MSN: variants seen among roughly 807,000 people sequenced by gnomAD.
The protein encoded by MSN is moesin, also known as epididymis luminal protein 70.
MSN carries 2 observed loss-of-function variants against 48.0 expected under a neutral mutation model. The ratio of observed to expected loss-of-function variants is 0.04; its 90% confidence interval spans 0.02 to 0.13. The LOEUF (loss-of-function observed/expected upper bound fraction) is 0.13. Ranked by LOEUF, MSN falls within the 10% of genes least tolerant of loss-of-function variation. MSN has a pLI of 1.00. For synonymous variants in MSN, 146 were observed against 166.9 expected (o/e 0.87, Z 0.97); for missense variants, 267 against 470.1 (o/e 0.57, Z 3.99).
chrX:65,714,532 G>C (rs1441088782), intron 1 of MSN, among the ~76,000 whole-genome samples: 1 of 110,808 alleles, frequency 9.0e-6, no homozygotes, highest in East Asian at 2.8e-4. Context: ...TGTGTGAGAT[G>C]GTATCTCATT....
intron 1 of MSN, among the ~76,000 whole-genome samples, chrX:65,644,230 T>C (rs1192644472): frequency 8.9e-6 from 1 of 111,831 alleles, no homozygotes; most frequent in Non-Finnish European, 1.9e-5. Context: ...TCCTTTGTGG[T>C]GGTAGGCTGG....
At chrX:65,684,734 G>A (rs142507808) in intron 1 of MSN, among the ~76,000 whole-genome samples, 139 of 111,185 alleles carry the variant, frequency 1.3e-3, no homozygotes, top group African/African-American at 4.3e-3. Context: ...CACTGTGCCT[G>A]GCCAAAAAAG....
At chrX:65,591,842 T>C (rs2070149366) in intron 1 of MSN, among the ~76,000 whole-genome samples, 2 of 111,070 alleles carry the variant, frequency 1.8e-5, no homozygotes, top group Admixed American at 1.9e-4. Context: ...CATCCCCTCA[T>C]CCCTGCCCCT....
chrX:65,630,016 A>T (rs1252317986), intron 1 of MSN, among the ~76,000 whole-genome samples: 1 of 110,649 alleles, frequency 9.0e-6, no homozygotes, highest in Non-Finnish European at 1.9e-5. Flanking sequence ...CTGTCTCTAC[A>T]AAAAATACAA....
intron 1 of MSN, among the ~76,000 whole-genome samples, chrX:65,696,033 A>G (rs778448228): frequency 1.9e-4 from 21 of 110,733 alleles, no homozygotes; most frequent in African/African-American, 6.9e-4. Flanking sequence ...ATCTCAAGCA[A>G]CCTTCTGCCT....
rs1417887388 is a variant in MSN, at chrX:65,739,837, C to T, written c.1678C>T (p.Arg560Cys). The change falls in exon 13 of 13, where the codon CGC (arginine) becomes TGC (cysteine). Residue 560 changes from arginine (R) to cysteine (C), a missense_variant. Transcript: ENST00000360270. Reference protein sequence around the residue: ...RLGRDKYKTLRQIRQGNTKQR... With the variant: ...RLGRDKYKTLCQIRQGNTKQR... ...GGGCCGAGACAAATACAAGACCCTG[C>T]GCCAGATCCGGCAGGGCAACACCAA... The T allele has an allele frequency of 8.3e-7, 1 of 1,210,897 alleles. No homozygotes were observed. Among genetic ancestry groups the T allele is most frequent in the Non-Finnish European group, 1.1e-6 (1 of 895,170 alleles).
chrX:65,617,266 A>C, intron 1 of MSN, among the ~76,000 whole-genome samples: 1 of 110,795 alleles, frequency 9.0e-6, no homozygotes, highest in South Asian at 3.7e-4. Context: ...TGATTGGAAT[A>C]GTTTAGAAGG....
intron 1 of MSN, among the ~76,000 whole-genome samples, chrX:65,590,132 T>C (rs763781930): frequency 2.9e-3 from 318 of 111,107 alleles, no homozygotes; most frequent in African/African-American, 9.5e-3. Flanking sequence ...TTTCTTTGAC[T>C]GTAATCCTGA....
chrX:65,731,685 G>A (rs1382901324), intron 5 of MSN, among the ~76,000 whole-genome samples, 153 bp from the exon 6 acceptor site: 1 of 109,104 alleles, frequency 9.2e-6, no homozygotes, highest in Non-Finnish European at 1.9e-5. Context: ...AAGTCATGCT[G>A]TGCTCTGTTC....
chrX:65,652,306 T>C lies in MSN; in HGVS notation c.-22+63694T>C, dbSNP rs774970392. ...CAGAGCCAGGATGATTTCATCTCTATGGCAAGCATCATCAATCAATCAGGA... is the reference window on the plus strand; with the variant it reads ...CAGAGCCAGGATGATTTCATCTCTACGGCAAGCATCATCAATCAATCAGGA... On this transcript the variant is annotated intron_variant, in intron 1 of 3. Coordinates refer to the MSN transcript ENST00000609672. Among the ~76,000 whole-genome samples, 30 of 111,568 alleles carry C rather than the reference T, an allele frequency of 2.7e-4. No individual in the cohort carries two copies. In the South Asian group the frequency reaches 8.3e-3, roughly 31 times the overall value.
At chrX:65,691,729 C>T (rs1258389776) in intron 1 of MSN, among the ~76,000 whole-genome samples, 1 of 111,782 alleles carries the variant, frequency 8.9e-6, no homozygotes, top group Non-Finnish European at 1.9e-5. Flanking sequence ...TGGTCTTGAA[C>T]ACCTGGCCTT....
intron 5 of MSN, among the ~76,000 whole-genome samples, 165 bp from the exon 6 acceptor site, chrX:65,731,673 A>G (rs2071623632): frequency 9.1e-6 from 1 of 109,405 alleles, no homozygotes; most frequent in Non-Finnish European, 1.9e-5. Flanking sequence ...TTTGCTTTGC[A>G]AAAGTCATGC....
intron 1 of MSN, among the ~76,000 whole-genome samples, chrX:65,684,837 TA>T (rs2071096802): frequency 8.9e-6 from 1 of 112,775 alleles, no homozygotes; most frequent in African/African-American, 3.2e-5. Flanking sequence ...CTCTTGGGCT[TA>T]AGCAGTCCTC....
intron 1 of MSN, among the ~76,000 whole-genome samples, chrX:65,701,560 G>A (rs765685193): frequency 6.6e-4 from 74 of 112,113 alleles, no homozygotes; most frequent in African/African-American, 2.4e-3. Context: ...ATTCCCCAGC[G>A]TCTTCTCTGG....
At chrX:65,679,642 G>T (rs1418922351) in intron 1 of MSN, among the ~76,000 whole-genome samples, 1 of 112,281 alleles carries the variant, frequency 8.9e-6, no homozygotes, top group East Asian at 2.8e-4. Flanking sequence ...TTATGGGAAA[G>T]GTGTACCCTT....
At chrX:65,600,050 T>C (rs2070221590) in intron 1 of MSN, among the ~76,000 whole-genome samples, 1 of 109,554 alleles carries the variant, frequency 9.1e-6, no homozygotes, top group Admixed American at 9.7e-5. Flanking sequence ...TGGGGGTGGG[T>C]ATAGATGCAG....
chrX:65,700,089 C>T (rs2071287042), intron 1 of MSN, among the ~76,000 whole-genome samples: 1 of 111,820 alleles, frequency 8.9e-6, no homozygotes, highest in African/African-American at 3.3e-5. Flanking sequence ...GAGCCAGAGA[C>T]CCTGGAAGAA....
At chrX:65,668,390 G>A (rs539040208) in intron 1 of MSN, among the ~76,000 whole-genome samples, 2 of 111,751 alleles carry the variant, frequency 1.8e-5, no homozygotes, top group African/African-American at 6.5e-5. Context: ...GGTGAGGAGA[G>A]AGATGTGAGG....
intron 1 of MSN, among the ~76,000 whole-genome samples, chrX:65,641,403 G>A (rs903855829): frequency 4.9e-5 from 5 of 101,060 alleles, no homozygotes; most frequent in South Asian, 4.8e-4. Context: ...GGAGGTGTGC[G>A]CCTGTAATCC....
Sources: gnomAD v4.1 joint callset for allele counts (sites outside exome capture counted in the v4.1 genomes callset) on GRCh38, gnomAD v4.1.1 for gene constraint, MANE v1.5 for transcripts, NCBI Gene and HGNC (gene_info 2026-07-23, HGNC 2026-07-21) for gene names.